PDE4D: variants seen among roughly 807,000 people sequenced by gnomAD.
PDE4D encodes 3',5'-cyclic-AMP phosphodiesterase 4D.
In PDE4D, 24 loss-of-function variants were observed where a neutral mutation model predicts 87.4. The observed-to-expected ratio is 0.27, with a 90% CI of 0.20 to 0.39. The LOEUF is 0.39. PDE4D is among the 10% of genes least tolerant of loss of function. The pLI, the probability that PDE4D is intolerant of heterozygous loss-of-function variation, is 1.00. For synonymous variants in PDE4D, 384 were observed against 383.2 expected (o/e 1.00, Z -0.02); for missense variants, 714 against 1,041.0 (o/e 0.69, Z 4.32).
intron 2 of PDE4D, among the ~76,000 whole-genome samples, chr5:59,200,271 A>C (rs1425488987): frequency 7.9e-6 from 1 of 126,734 alleles, no homozygotes; most frequent in African/African-American, 3.6e-5. Context: ...ACATATGTGT[A>C]TGTACAGCTA....
At chr5:60,338,161 C>T (rs1021700674) in intron 1 of PDE4D, among the ~76,000 whole-genome samples, 4 of 152,206 alleles carry the variant, frequency 2.6e-5, no homozygotes, top group African/African-American at 9.6e-5. Flanking sequence ...CGATGAAAGC[C>T]GTTGACACTC....
At chr5:59,005,985 T>C (rs1751524073) in intron 6 of PDE4D, among the ~76,000 whole-genome samples, 1 of 152,212 alleles carries the variant, frequency 6.6e-6, no homozygotes, top group South Asian at 2.1e-4. Flanking sequence ...GTCAGATCTC[T>C]GGACAGGGTG....
At chr5:59,711,379 T>G (rs550857289) in intron 1 of PDE4D, among the ~76,000 whole-genome samples, 3 of 152,242 alleles carry the variant, frequency 2.0e-5, no homozygotes, top group African/African-American at 7.2e-5. Flanking sequence ...AAATTAACAA[T>G]GTAAATTAGC....
intron 1 of PDE4D, among the ~76,000 whole-genome samples, chr5:59,416,340 T>G (rs966404488): frequency 9.9e-5 from 15 of 152,080 alleles, no homozygotes; most frequent in African/African-American, 3.1e-4. Flanking sequence ...CCTGAGAAAA[T>G]AGTAACCAGA....
intron 3 of PDE4D, among the ~76,000 whole-genome samples, chr5:59,191,196 T>G (rs955806741): frequency 2.6e-5 from 4 of 152,130 alleles, no homozygotes; most frequent in Non-Finnish European, 1.5e-5. Flanking sequence ...TAGTTTTTTT[T>G]CCTTGGAGAT....
intron 2 of PDE4D, among the ~76,000 whole-genome samples, chr5:60,055,874 A>G (rs957464202): frequency 6.6e-6 from 1 of 152,086 alleles, no homozygotes; most frequent in African/African-American, 2.4e-5. Flanking sequence ...AGCAAAATCA[A>G]TTATAAGGAG....
At chr5:60,182,966 C>G (rs1451179012) in intron 2 of PDE4D, among the ~76,000 whole-genome samples, 2 of 152,008 alleles carry the variant, frequency 1.3e-5, no homozygotes, top group African/African-American at 4.8e-5. Context: ...AGCCCTAACC[C>G]CCAATGTGAT....
At chr5:60,335,197 C>T (rs1757640805) in intron 1 of PDE4D, 2 of 152,190 alleles carry the variant, frequency 1.3e-5, no homozygotes, top group Admixed American at 6.5e-5. Flanking sequence ...CACTAATACG[C>T]TATTGCAATA....
intron 1 of PDE4D, among the ~76,000 whole-genome samples, chr5:59,415,923 T>C (rs1793531594): frequency 6.6e-6 from 1 of 152,192 alleles, no homozygotes; most frequent in Non-Finnish European, 1.5e-5. Context: ...TTGGTCTATA[T>C]CCTGAGAAAT....
At chr5:60,335,762 T>C (rs1757704266) in intron 1 of PDE4D, among the ~76,000 whole-genome samples, 1 of 152,166 alleles carries the variant, frequency 6.6e-6, no homozygotes, top group South Asian at 2.1e-4. Context: ...GATGAAATCA[T>C]TGGTGTTGAG....
intron 5 of PDE4D, among the ~76,000 whole-genome samples, chr5:59,059,921 T>C (rs1762888382): frequency 6.6e-6 from 1 of 152,204 alleles, no homozygotes. Context: ...TCACTTGTTT[T>C]CAAATACCTG....
intron 2 of PDE4D, among the ~76,000 whole-genome samples, chr5:60,052,920 G>C (rs368596966): frequency 2.5e-4 from 38 of 152,272 alleles, no homozygotes; most frequent in African/African-American, 9.1e-4. Flanking sequence ...GCCAAATCAT[G>C]AGCAAACTCC....
intron 3 of PDE4D, among the ~76,000 whole-genome samples, chr5:59,962,755 G>A (rs10461664): frequency 0.36 from 54,220 of 151,972 alleles, 11,284 homozygotes; most frequent in East Asian, 0.72. Context: ...ATTGGGTTGG[G>A]CAGTTAATAA....
chr5:60,113,864 C>T (rs1777904721), intron 2 of PDE4D, among the ~76,000 whole-genome samples: 1 of 152,086 alleles, frequency 6.6e-6, no homozygotes, highest in African/African-American at 2.4e-5. Flanking sequence ...CTAGAGGCCA[C>T]CTAAAACTGC....
At chr5:59,934,927 C>T (rs1756398356) in intron 3 of PDE4D, among the ~76,000 whole-genome samples, 1 of 152,012 alleles carries the variant, frequency 6.6e-6, no homozygotes. Context: ...GTTGGAGAGA[C>T]GACAATTTTC....
chr5:59,722,736 A>G (rs569611493), intron 1 of PDE4D, among the ~76,000 whole-genome samples: 8 of 152,310 alleles, frequency 5.3e-5, no homozygotes, highest in African/African-American at 1.9e-4. Context: ...CATAAGAAAC[A>G]ATGTTATATG....
chr5:59,386,694 G>GGAGGAAGGGAGGAAGAGAGGGAGGAAGA (rs1554151222), intron 1 of PDE4D, among the ~76,000 whole-genome samples: 6 of 126,298 alleles, frequency 4.8e-5, no homozygotes, highest in Non-Finnish European at 9.6e-5. Flanking sequence ...CAGGAGGAAG[G>GGAGGAAGGGAGGAAGAGAGGGAGGAAGA]GAGGGAGGGA....
chr5:60,441,967 T>C (rs1745258476), intron 1 of PDE4D, among the ~76,000 whole-genome samples: 5 of 152,040 alleles, frequency 3.3e-5, no homozygotes, highest in Admixed American at 3.3e-4. Context: ...TGTGGAGAAA[T>C]AGGAATGCTT....
intron 2 of PDE4D, among the ~76,000 whole-genome samples, chr5:60,112,758 T>C (rs1403235432): frequency 6.6e-6 from 1 of 152,032 alleles, no homozygotes; most frequent in African/African-American, 2.4e-5. Context: ...CGAGGATCCT[T>C]AGTTCCTGGC....
Sources: gnomAD v4.1 joint callset for allele counts (sites outside exome capture counted in the v4.1 genomes callset) on GRCh38, gnomAD v4.1.1 for gene constraint, MANE v1.5 for transcripts, NCBI Gene and HGNC (gene_info 2026-07-23, HGNC 2026-07-21) for gene names.